Variants in INKA2 observed in about 807,000 individuals in gnomAD.
INKA2 encodes PAK4-inhibitor INKA2.
Under a neutral mutation model 9.8 loss-of-function variants are expected in INKA2, and 3 were observed. The ratio of observed to expected loss-of-function variants is 0.31; its 90% confidence interval spans 0.14 to 0.79. The LOEUF (loss-of-function observed/expected upper bound fraction) is 0.79, where lower values mean the gene tolerates loss of function less well. Among genes scored for constraint, INKA2 ranks in the 30% least tolerant of loss-of-function variants. INKA2 has a pLI of 0.62. For missense variants in INKA2, 392 were observed against 384.4 expected, an observed-to-expected ratio of 1.02 and a Z score of -0.17; for synonymous variants, 147 against 143.3, an observed-to-expected ratio of 1.03 and a Z score of -0.18.
In INKA2 at chr1:111,727,634, G is replaced by C; in HGVS notation, c.228C>G (p.His76Gln). The change falls in exon 2 of 2, where the codon CAC (histidine) becomes CAG (glutamine). Residue 76 changes from histidine (H) to glutamine (Q), a missense_variant. Physicochemically the swap from His to Gln is conservative, Grantham distance 24 (BLOSUM62 0). Transcript: ENST00000357260. ...GACCTCTGCCACCCTCCCAACAAGG[G>C]TGCTCGCACTGGGTCCTGGGACCTT... ...SPEGPRTQCE[H>Q]PCWEGGRGPA... 6.2e-7 allele frequency: 1 copy of C among 1,608,634 alleles called. No homozygotes were observed. The highest frequency in any genetic ancestry group is 8.5e-7 in the Non-Finnish European group (1 of 1,176,988).
chr1:111,749,264 A>T (rs1258154724), intron 1 of INKA2, among the ~76,000 whole-genome samples: 1 of 152,044 alleles, frequency 6.6e-6, no homozygotes, highest in African/African-American at 2.4e-5. Context: ...CGGAGCTGGG[A>T]GACAACCACA....
At chr1:111,748,115 G>A (rs1346090299) in intron 1 of INKA2, among the ~76,000 whole-genome samples, 3 of 152,256 alleles carry the variant, frequency 2.0e-5, no homozygotes, top group Admixed American at 6.5e-5. Flanking sequence ...CCTTGTAAGT[G>A]AGCCATGTGC....
rs966409238 is a variant in INKA2 at position 111,725,419 on chromosome 1, G to T, written c.*1549C>A. 1.3e-5 allele frequency: 2 copies of T among 152,150 alleles called. No homozygotes were observed. The highest frequency in any genetic ancestry group is 6.5e-5 in the Admixed American group (1 of 15,274). The allele number at this position is 152,150 out of a possible 1,614,324, so 9.4% of individuals were successfully genotyped here. On this transcript the variant is annotated 3_prime_UTR_variant, in exon 2 of 2. Transcript: ENST00000357260. ...CAGTGGCTTCCCAGGGCAGTCCTGG[G>T]GGGGGGCCTGGATCACTAGGTGGCC... is the stretch of plus-strand genomic sequence containing the variant.
chr1:111,729,243 A>G (rs1044010594), intron 1 of INKA2, among the ~76,000 whole-genome samples: 3 of 152,222 alleles, frequency 2.0e-5, no homozygotes, highest in Non-Finnish European at 2.9e-5. Flanking sequence ...CAAGGAGGCC[A>G]GGAAACTCCT....
upstream of INKA2, among the ~76,000 whole-genome samples, chr1:111,744,005 G>A: frequency 6.6e-6 from 1 of 152,348 alleles, no homozygotes; most frequent in East Asian, 1.9e-4. Flanking sequence ...TGGCCCAGAG[G>A]TGCTGAGCAG....
At chr1:111,741,972 TCC>T (rs2101383344), upstream of INKA2, among the ~76,000 whole-genome samples, 1 of 152,240 alleles carries the variant, frequency 6.6e-6, no homozygotes, top group South Asian at 2.1e-4. Flanking sequence ...TGCCTCGGCC[TCC>T]CAAAGTGCTG....
At chr1:111,753,030 A>T (rs371352009) in intron 1 of INKA2, 12 of 152,324 alleles carry the variant, frequency 7.9e-5, no homozygotes, top group African/African-American at 2.9e-4. Flanking sequence ...AGAAGCCTCC[A>T]GTGCAAAATG....
intron 1 of INKA2, among the ~76,000 whole-genome samples, chr1:111,738,100 A>G (rs1663045326): frequency 6.6e-6 from 1 of 152,206 alleles, no homozygotes; most frequent in South Asian, 2.1e-4. Flanking sequence ...AGTAAGAAGA[A>G]AGAGGAGAGC....
upstream of INKA2, among the ~76,000 whole-genome samples, chr1:111,741,431 C>T (rs574962407): frequency 6.6e-6 from 1 of 152,320 alleles, no homozygotes; most frequent in African/African-American, 2.4e-5. Flanking sequence ...CCAAGAGATC[C>T]CTTTCTATGG....
At chr1:111,743,714 C>G (rs184104205), upstream of INKA2, among the ~76,000 whole-genome samples, 34 of 152,350 alleles carry the variant, frequency 2.2e-4, no homozygotes, top group Non-Finnish European at 4.0e-4. Flanking sequence ...AGCTGGACAG[C>G]ACATCCTGGT....
At chr1:111,746,777 G>A (rs1206443777) in intron 1 of INKA2, 1 of 152,202 alleles carries the variant, frequency 6.6e-6, no homozygotes, top group African/African-American at 2.4e-5. Context: ...CCATTCTGCA[G>A]AGGAGGAAGA....
In INKA2 at chr1:111,727,812, GGAGA is replaced by G; in HGVS notation, c.58-12_58-9del. On this transcript the variant is annotated splice_polypyrimidine_tract_variant and intron_variant, in intron 1 of 1. Coordinates refer to ENST00000357260, the MANE Select transcript of INKA2 (RefSeq NM_019099.5). ...CACCTCCTTCATGGACATCTGCAGG[GGAGA>G]GAGAAAGCATGGGGCCTATGAGCCA... is the stretch of plus-strand genomic sequence containing the variant. 6.2e-7 allele frequency: 1 copy of G among 1,601,836 alleles called. No homozygotes were observed. The highest frequency in any genetic ancestry group is 1.1e-5 in the South Asian group (1 of 91,070).
chr1:111,734,663 C>T (rs888697957), intron 1 of INKA2, among the ~76,000 whole-genome samples: 1 of 152,242 alleles, frequency 6.6e-6, no homozygotes, highest in Non-Finnish European at 1.5e-5. Flanking sequence ...TAGGCAAACT[C>T]CAGCTGGTCT....
rs1263927642 is a variant in INKA2 at position 111,724,187 on chromosome 1, G to C, written c.*2781C>G. 6.6e-6 allele frequency: 1 copy of C among 152,202 alleles called. No homozygotes were observed. Among genetic ancestry groups the C allele is most frequent in the Non-Finnish European group, 1.5e-5 (1 of 68,034 alleles). 9.4% of individuals were successfully genotyped at this position (152,202 alleles called of 1,614,324 possible). A position where few individuals can be genotyped will look rare whatever the true frequency, so the allele number is the denominator to read the frequency against. ...TTTGTTCTGGCCCAAGTTGAAACAA[G>C]TTTTCAGTCTCCCAAGTCTCTTCTG... On this transcript the variant is annotated 3_prime_UTR_variant, in exon 2 of 2. Coordinates refer to ENST00000357260, the MANE Select transcript of INKA2 (RefSeq NM_019099.5).
chr1:111,743,116 G>C (rs907159673), upstream of INKA2, among the ~76,000 whole-genome samples: 2 of 152,204 alleles, frequency 1.3e-5, no homozygotes, highest in Admixed American at 1.3e-4. Context: ...TTCTGGGCTG[G>C]GGATGGGGGC....
At chr1:111,751,542 T>G (rs1304673224) in intron 1 of INKA2, among the ~76,000 whole-genome samples, 1 of 152,224 alleles carries the variant, frequency 6.6e-6, no homozygotes, top group Non-Finnish European at 1.5e-5. Context: ...TCTGTGACTT[T>G]GAGCAGATTA....
Position 111,727,734 on chromosome 1 carries a change from A to G in INKA2, c.128T>C (p.Leu43Pro). The change falls in exon 2 of 2, where the codon CTG becomes CCG. Residue 43 changes from leucine (L) to proline (P), a missense_variant. Coordinates refer to ENST00000357260, the MANE Select transcript of INKA2 (RefSeq NM_019099.5). ...MNCMMGALQELKLLQVQTALE... is the reference protein window; with the variant it reads ...MNCMMGALQEPKLLQVQTALE... ...TGCTGTCTGCACCTGGAGGAGCTTC[A>G]GTTCTTGCAGTGCACCCATCATGCA... The G allele has an allele frequency of 6.2e-7, 1 of 1,613,704 alleles. No individual in the cohort carries two copies. Among genetic ancestry groups the G allele is most frequent in the Non-Finnish European group, 8.5e-7 (1 of 1,180,028 alleles).
upstream of INKA2, among the ~76,000 whole-genome samples, chr1:111,743,333 C>T (rs937668448): frequency 2.6e-5 from 4 of 152,192 alleles, no homozygotes; most frequent in African/African-American, 9.7e-5. Context: ...TCAGAAGGTA[C>T]GTAGCCATTT....
Position 111,725,416 on chromosome 1 carries a change from T to TG in INKA2, c.*1551dup, listed in dbSNP as rs200476237. The TG allele has an allele frequency of 2.8e-4, 42 of 151,726 alleles. No homozygotes were observed. The highest frequency in any genetic ancestry group is 7.8e-4 in the East Asian group (4 of 5,146). The allele number at this position is 151,726 out of a possible 1,614,324, so 9.4% of individuals were successfully genotyped here. A position where few individuals can be genotyped will look rare whatever the true frequency, so the allele number is the denominator to read the frequency against. ...GGACAGTGGCTTCCCAGGGCAGTCC[T>TG]GGGGGGGGGCCTGGATCACTAGGTG... On this transcript the variant is annotated 3_prime_UTR_variant, in exon 2 of 2. Coordinates refer to ENST00000357260, the MANE Select transcript of INKA2 (RefSeq NM_019099.5).
Sources: allele counts gnomAD v4.1 joint callset (sites outside exome capture counted in the v4.1 genomes callset), GRCh38; gene constraint gnomAD v4.1.1; transcripts MANE v1.5; gene names NCBI Gene and HGNC (gene_info 2026-07-23, HGNC 2026-07-21).